ZNF407: variants seen among roughly 807,000 people sequenced by gnomAD.
ZNF407 encodes zinc finger protein 407.
ZNF407 carries 17 observed loss-of-function variants against 131.2 expected under a neutral mutation model. That is an observed-to-expected ratio of 0.13 (90% CI 0.09 to 0.19). The LOEUF (loss-of-function observed/expected upper bound fraction) is 0.19, where lower values mean the gene tolerates loss of function less well. Among genes scored for constraint, ZNF407 ranks in the 10% least tolerant of loss-of-function variants. The pLI is 1.00. For synonymous variants in ZNF407, 1,156 were observed against 1,062.0 expected, an observed-to-expected ratio of 1.09 and a Z score of -1.72; for missense variants, 2,681 against 2,830.6, an observed-to-expected ratio of 0.95 and a Z score of 1.20.
intron 3 of ZNF407, among the ~76,000 whole-genome samples, chr18:74,707,328 A>G (rs1395363801): frequency 2.0e-5 from 3 of 152,192 alleles, no homozygotes; most frequent in Non-Finnish European, 4.4e-5. Context: ...TAATAAGTGA[A>G]TTAATTCTTT....
intron 7 of ZNF407, among the ~76,000 whole-genome samples, chr18:74,912,958 G>A (rs913887222): frequency 8.5e-5 from 13 of 152,186 alleles, no homozygotes; most frequent in African/African-American, 3.1e-4. Flanking sequence ...TAACCTCTTT[G>A]ATTACAAGAG....
chr18:74,634,247 T>A lies in ZNF407; in HGVS notation c.3228T>A (p.Ser1076=), dbSNP rs1190219292. Reference sequence around the variant, plus strand: ...AGAAGCACAAAATGAAAAGGCAGTCTTATCTCAACTCTGCTAATGTAGAAG... The same window carrying A: ...AGAAGCACAAAATGAAAAGGCAGTCATATCTCAACTCTGCTAATGTAGAAG... ...ATEKHKMKRQ[S]YLNSANVEAG... Residue 1076 remains serine, a synonymous_variant, in exon 2 of 9, where the codon TCT becomes TCA. Transcript: ENST00000299687. 1 of 1,614,048 alleles carries A rather than the reference T, an allele frequency of 6.2e-7. No individual in the cohort carries two copies. Among genetic ancestry groups the A allele is most frequent in the Admixed American group, 1.7e-5 (1 of 60,026 alleles).
rs540681987 is a variant in ZNF407, at chr18:75,054,182, G to C, written c.5429-8968G>C. Among the ~76,000 whole-genome samples the C allele has an allele frequency of 4.5e-4, 69 of 152,354 alleles. 1 individual carries two copies. In the South Asian group the frequency reaches 0.014, roughly 31 times the overall value. ...GCATTGTTTCAAGTGTACACAAGCA[G>C]CTGCTATCGTTTGGCTATGAGCAGA... On this transcript the variant is annotated intron_variant, in intron 8 of 8. Coordinates refer to ENST00000299687, the MANE Select transcript of ZNF407 (RefSeq NM_017757.3).
rs755288796 is a variant in ZNF407, at chr18:74,634,697, G to C, written c.3678G>C (p.Leu1226=). ...NHEISNDAGE[L]RVHCEGEGGN... is the part of the protein sequence containing the mutation. ...AGATATCGAATGATGCAGGTGAGCT[G>C]CGTGTCCATTGTGAGGGTGAAGGAG... Residue 1226 remains leucine, a synonymous_variant, in exon 2 of 9, where the codon CTG becomes CTC. Coordinates refer to ENST00000299687, the MANE Select transcript of ZNF407 (RefSeq NM_017757.3). The C allele has an allele frequency of 6.2e-7, 1 of 1,613,932 alleles. No individual in the cohort carries two copies. The highest frequency in any genetic ancestry group is 1.3e-5 in the African/African-American group (1 of 74,930).
At chr18:74,769,059 T>C (rs943178869) in intron 3 of ZNF407, among the ~76,000 whole-genome samples, 1 of 152,150 alleles carries the variant, frequency 6.6e-6, no homozygotes, top group African/African-American at 2.4e-5. Context: ...GAGGAATTAC[T>C]GTGCTAGGCA....
chr18:74,610,153 ATATT>A (rs1281403372), intron 1 of ZNF407, among the ~76,000 whole-genome samples: 2 of 152,204 alleles, frequency 1.3e-5, no homozygotes, highest in Non-Finnish European at 2.9e-5. Flanking sequence ...CCACTCATAA[ATATT>A]TGATGAATAA....
intron 8 of ZNF407, among the ~76,000 whole-genome samples, chr18:74,989,976 T>C (rs1320077499): frequency 6.6e-6 from 1 of 152,248 alleles, no homozygotes; most frequent in Non-Finnish European, 1.5e-5. Context: ...TGATATTCTC[T>C]GAAAATCAAA....
intron 3 of ZNF407, among the ~76,000 whole-genome samples, chr18:74,646,200 G>A (rs1260698611): frequency 6.6e-6 from 1 of 152,128 alleles, no homozygotes; most frequent in Non-Finnish European, 1.5e-5. Flanking sequence ...AACTAAAGCT[G>A]TGTATACCTA....
intron 3 of ZNF407, among the ~76,000 whole-genome samples, chr18:74,736,612 A>G (rs1968419092): frequency 6.6e-6 from 1 of 152,132 alleles, no homozygotes; most frequent in Non-Finnish European, 1.5e-5. Flanking sequence ...AACATATAAA[A>G]TGTAGATACA....
chr18:74,770,034 T>G (rs1461809821), intron 3 of ZNF407, among the ~76,000 whole-genome samples: 1 of 152,130 alleles, frequency 6.6e-6, no homozygotes, highest in Non-Finnish European at 1.5e-5. Context: ...TTAATGGATA[T>G]GCACCTCAGG....
intron 3 of ZNF407, among the ~76,000 whole-genome samples, chr18:74,695,444 AT>A (rs1003768424): frequency 1.7e-4 from 24 of 144,052 alleles, no homozygotes; most frequent in African/African-American, 5.7e-4. Context: ...AGCTAAGACT[AT>A]TTTTTTTTCC....
At chr18:74,903,193 C>A (rs1372624464) in intron 7 of ZNF407, among the ~76,000 whole-genome samples, 1 of 152,194 alleles carries the variant, frequency 6.6e-6, no homozygotes, top group Admixed American at 6.5e-5. Context: ...GTGAAGCCAG[C>A]TTCCGGCTTG....
chr18:75,019,714 T>G (rs1443836768), intron 8 of ZNF407, among the ~76,000 whole-genome samples: 5 of 152,096 alleles, frequency 3.3e-5, no homozygotes, highest in African/African-American at 1.2e-4. Context: ...AAAAGAGGTT[T>G]AATTGACTCA....
At chr18:74,873,470 GA>G (rs1466948833) in intron 4 of ZNF407, among the ~76,000 whole-genome samples, 1 of 152,054 alleles carries the variant, frequency 6.6e-6, no homozygotes, top group African/African-American at 2.4e-5. Flanking sequence ...GGGTGCTAAT[GA>G]AAAAAACAAC....
At chr18:74,842,798 A>C (rs753920698) in intron 4 of ZNF407, among the ~76,000 whole-genome samples, 1 of 152,120 alleles carries the variant, frequency 6.6e-6, no homozygotes, top group Non-Finnish European at 1.5e-5. Flanking sequence ...ATCTCGGCTC[A>C]TTGCAACTTC....
At chr18:74,627,910 T>G (rs1248689769) in intron 1 of ZNF407, among the ~76,000 whole-genome samples, 2 of 136,184 alleles carry the variant, frequency 1.5e-5, no homozygotes, top group Non-Finnish European at 3.1e-5. Context: ...GGTCTCACTC[T>G]GTTGCCCAGG....
chr18:75,061,322 G>A (rs1390070147), intron 8 of ZNF407: 1 of 152,248 alleles, frequency 6.6e-6, no homozygotes, highest in Non-Finnish European at 1.5e-5. Flanking sequence ...ATTTAGGAGG[G>A]ATGGAGTCGA....
chr18:74,888,003 C>T (rs772230303), intron 6 of ZNF407, among the ~76,000 whole-genome samples: 1 of 152,120 alleles, frequency 6.6e-6, no homozygotes, highest in South Asian at 2.1e-4. Context: ...AACTTCTAAA[C>T]GTTCTAATTT....
chr18:75,060,529 G>C (rs868566740), intron 8 of ZNF407, among the ~76,000 whole-genome samples: 1 of 117,200 alleles, frequency 8.5e-6, no homozygotes, highest in Non-Finnish European at 1.7e-5. Context: ...TTTTTGCGAC[G>C]GAGTCTCGCT....
Sources: gnomAD v4.1 joint callset for allele counts (sites outside exome capture counted in the v4.1 genomes callset) on GRCh38, gnomAD v4.1.1 for gene constraint, MANE v1.5 for transcripts, NCBI Gene and HGNC (gene_info 2026-07-23, HGNC 2026-07-21) for gene names.